DMC1: variants seen among roughly 807,000 people sequenced by gnomAD.
DMC1 encodes the protein DNA meiotic recombinase 1, also known as meiotic recombination protein DMC1 homolog.
Under a neutral mutation model 50.1 loss-of-function variants are expected in DMC1, and 27 were observed. The ratio of observed to expected loss-of-function variants is 0.54; its 90% CI spans 0.40 to 0.74. The LOEUF (loss-of-function observed/expected upper bound fraction) is 0.74, where lower values mean the gene tolerates loss of function less well. Among genes scored for constraint, DMC1 ranks in the 30% least tolerant of loss-of-function variants. DMC1 has a pLI of 0.00. For synonymous variants in DMC1, 148 were observed against 136.1 expected (o/e 1.09, Z -0.61); for missense variants, 295 against 420.2 (o/e 0.70, Z 2.60).
At chr22:38,523,783 GT>G (rs2090056873) in intron 12 of DMC1, among the ~76,000 whole-genome samples, 1 of 151,872 alleles carries the variant, frequency 6.6e-6, no homozygotes, top group Non-Finnish European at 1.5e-5. Flanking sequence ...AAAAAAAATA[GT>G]TTTTTCAGCT....
chr22:38,541,274 CTT>C (rs2090277602), intron 8 of DMC1, among the ~76,000 whole-genome samples: 1 of 152,036 alleles, frequency 6.6e-6, no homozygotes, highest in South Asian at 2.1e-4. Context: ...AAGTTAATCA[CTT>C]ATATATTTTT....
At chr22:38,560,205 A>G (rs982094150) in intron 5 of DMC1, among the ~76,000 whole-genome samples, 21 of 152,218 alleles carry the variant, frequency 1.4e-4, no homozygotes, top group African/African-American at 4.8e-4. Context: ...AGACATGGAC[A>G]TTTTTGCCAA....
At position 38,536,384 on chromosome 22, in the gene DMC1, C is replaced by T. The variant is rs918174688; in HGVS notation, c.836+1208G>A. Among the ~76,000 whole-genome samples, 4 of 152,074 alleles carry T rather than the reference C, an allele frequency of 2.6e-5. 1 individual carries two copies. The highest frequency in any genetic ancestry group is 3.9e-4 in the East Asian group (2 of 5,188). ...GACACATAATGCTCAAAATTTGTTA[C>T]GGTGGCAACAAACCTTTGTTTGATT... On this transcript the variant is annotated intron_variant, in intron 12 of 13. Coordinates refer to ENST00000216024, the MANE Select transcript of DMC1 (RefSeq NM_007068.4).
At chr22:38,513,365 G>A in the DMC1 span, among the ~76,000 whole-genome samples, 1 of 152,334 alleles carries the variant, frequency 6.6e-6, no homozygotes, top group African/African-American at 2.4e-5. Flanking sequence ...GAATTGGGGA[G>A]AGGTGACTCT....
chr22:38,538,303 A>AT lies in DMC1; in HGVS notation c.766dup (p.Ile256AsnfsTer6), dbSNP rs762406860. ...TTATTTTAAAGATATACCTTCTGAGATTTTTTGGAGTCGTGACAACATCTG... is the reference window on the plus strand; with the variant it reads ...TTATTTTAAAGATATACCTTCTGAGATTTTTTTGGAGTCGTGACAACATCTG... On this transcript the variant is annotated frameshift_variant, in exon 11 of 14. Transcript: ENST00000216024. LOFTEE classifies it high-confidence loss of function. The AT allele has an allele frequency of 5.0e-6, 8 of 1,613,766 alleles. No individual in the cohort carries two copies. Among genetic ancestry groups the AT allele is most frequent in the Non-Finnish European group, 6.8e-6 (8 of 1,179,700 alleles).
At chr22:38,561,310 G>A (rs2090525309) in intron 5 of DMC1, among the ~76,000 whole-genome samples, 1 of 152,002 alleles carries the variant, frequency 6.6e-6, no homozygotes, top group Non-Finnish European at 1.5e-5. Context: ...ACCCGGCCAG[G>A]TGATATGTCT....
At chr22:38,565,179 T>A (rs2090568672) in intron 4 of DMC1, among the ~76,000 whole-genome samples, 1 of 152,182 alleles carries the variant, frequency 6.6e-6, no homozygotes, top group Non-Finnish European at 1.5e-5. Flanking sequence ...GGGTCAAAGG[T>A]ATATAGGCTT....
chr22:38,511,677 C>A, the DMC1 span, among the ~76,000 whole-genome samples: 1 of 152,224 alleles, frequency 6.6e-6, no homozygotes, highest in Admixed American at 6.5e-5. Flanking sequence ...TCACAGCTCA[C>A]TGCCATCTTG....
chr22:38,521,666 T>C lies in DMC1; in HGVS notation c.895A>G (p.Thr299Ala). 1 of 1,614,002 alleles carries C rather than the reference T, an allele frequency of 6.2e-7. No homozygotes were observed. The highest frequency in any genetic ancestry group is 8.5e-7 in the Non-Finnish European group (1 of 1,179,950). Reference sequence around the variant, plus strand: ...CTTCCCTTTCGCAAGCTTATTCTTGTTGTTGAAGCATGAGCCAGAATGTGT... The same window carrying C: ...CTTCCCTTTCGCAAGCTTATTCTTGCTGTTGAAGCATGAGCCAGAATGTGT... ...GGHILAHAST[T>A]RISLRKGRGE... The change falls in exon 13 of 14, where the codon ACA (threonine) becomes GCA (alanine). Residue 299 changes from threonine to alanine, a missense_variant. By Grantham distance (58) the Thr-to-Ala change is moderately conservative. Coordinates refer to ENST00000216024, the MANE Select transcript of DMC1 (RefSeq NM_007068.4).
At chr22:38,513,055 G>A in the DMC1 span, among the ~76,000 whole-genome samples, 4 of 152,092 alleles carry the variant, frequency 2.6e-5, no homozygotes, top group South Asian at 8.3e-4. Flanking sequence ...CTGCACTCCA[G>A]GCTGGGTGAC....
In DMC1 at chr22:38,519,822, C is replaced by T; in HGVS notation, c.*198G>A. 1 of 542,854 alleles carries T rather than the reference C, an allele frequency of 1.8e-6. No individual in the cohort carries two copies. The highest frequency in any genetic ancestry group is 4.8e-4 in the Middle Eastern group (1 of 2,094). The allele number at this position is 542,854 out of a possible 1,614,324, so 33.6% of individuals were successfully genotyped here. On this transcript the variant is annotated 3_prime_UTR_variant, in exon 14 of 14. Coordinates refer to ENST00000216024, the MANE Select transcript of DMC1 (RefSeq NM_007068.4). ...CACACACAAACATACATATACATAT[C>T]CCTGAATTTACATACAATGTATAGT... is the stretch of plus-strand genomic sequence containing the variant.
chr22:38,562,473 G>T, intron 4 of DMC1, 104 bp from the exon 5 acceptor site: 1 of 816,878 alleles, frequency 1.2e-6, no homozygotes, highest in Non-Finnish European at 2.1e-6. Context: ...ATCATCATTT[G>T]GTATAAGCTA....
chr22:38,525,016 G>A (rs1162409678), intron 12 of DMC1, among the ~76,000 whole-genome samples: 3 of 152,036 alleles, frequency 2.0e-5, no homozygotes, highest in Non-Finnish European at 2.9e-5. Context: ...AGCTGAGATC[G>A]CACCATTGCA....
intron 8 of DMC1, among the ~76,000 whole-genome samples, chr22:38,541,516 T>G (rs2090280727): frequency 6.6e-6 from 1 of 152,220 alleles, no homozygotes; most frequent in African/African-American, 2.4e-5. Context: ...GGTCTTGAAC[T>G]CCTGACTTCA....
intron 3 of DMC1, among the ~76,000 whole-genome samples, chr22:38,567,343 T>C (rs773679768): frequency 7.2e-5 from 11 of 152,226 alleles, no homozygotes; most frequent in South Asian, 2.1e-4. Flanking sequence ...GCCTGACATA[T>C]AGAACTTAAT....
intron 4 of DMC1, among the ~76,000 whole-genome samples, chr22:38,564,711 G>C (rs1288616991): frequency 6.6e-6 from 1 of 152,226 alleles, no homozygotes; most frequent in African/African-American, 2.4e-5. Flanking sequence ...GAGAAAGAGA[G>C]AGGTTCTTTT....
At chr22:38,549,769 T>C in intron 8 of DMC1, 156 bp downstream of exon 8, 1 of 627,336 alleles carries the variant, frequency 1.6e-6, no homozygotes. Flanking sequence ...TACAAAGTGA[T>C]TGGAGAACTT....
At chr22:38,535,755 A>G (rs1358063020) in intron 12 of DMC1, among the ~76,000 whole-genome samples, 1 of 151,734 alleles carries the variant, frequency 6.6e-6, no homozygotes. Context: ...CTACAGGTGC[A>G]CACCACCATG....
At chr22:38,566,834 T>C in intron 3 of DMC1, 98 bp from the exon 4 acceptor site, 4 of 1,272,070 alleles carry the variant, frequency 3.1e-6, no homozygotes, top group Non-Finnish European at 4.5e-6. Context: ...CCTTCCACCA[T>C]GATGCCAATT....
Sources: allele counts gnomAD v4.1 joint callset (sites outside exome capture counted in the v4.1 genomes callset), GRCh38; gene constraint gnomAD v4.1.1; transcripts MANE v1.5; gene names NCBI Gene and HGNC (gene_info 2026-07-23, HGNC 2026-07-21).